The following CRPPA variants were observed in gnomAD, a reference collection of about 807,000 sequenced individuals.
The protein encoded by CRPPA is CDP-L-ribitol pyrophosphorylase A, also known as D-ribitol-5-phosphate cytidylyltransferase.
CRPPA carries 43 observed loss-of-function variants against 52.0 expected under a neutral mutation model. The ratio of observed to expected loss-of-function variants is 0.83; its 90% confidence interval spans 0.65 to 1.07. The LOEUF (loss-of-function observed/expected upper bound fraction) is 1.07. Among genes scored for constraint, CRPPA ranks in the 50% least tolerant of loss-of-function variants. The pLI is 0.00. For synonymous variants in CRPPA, 250 were observed against 203.5 expected, an observed-to-expected ratio of 1.23 and a Z score of -1.94; for missense variants, 629 against 551.7, an observed-to-expected ratio of 1.14 and a Z score of -1.40.
chr7:16,171,801 T>C (rs1781192959), intron 9 of CRPPA, among the ~76,000 whole-genome samples: 1 of 151,730 alleles, frequency 6.6e-6, no homozygotes, highest in African/African-American at 2.4e-5. Context: ...CAAAAATAAG[T>C]AAATAAATAA....
intron 9 of CRPPA, among the ~76,000 whole-genome samples, chr7:16,180,846 TTTTATTGAAAAATATCAAAGC>T (rs1293223217): frequency 6.6e-6 from 1 of 152,052 alleles, no homozygotes; most frequent in Non-Finnish European, 1.5e-5. Context: ...AAAACTAATA[TTTTATTGAAAAATATCAAAGC>T]TGTATGTGAC....
chr7:16,165,913 G>T (rs546084080), intron 9 of CRPPA, among the ~76,000 whole-genome samples: 6 of 152,278 alleles, frequency 3.9e-5, no homozygotes, highest in African/African-American at 1.4e-4. Flanking sequence ...AAAGACTGTG[G>T]AGCTCTAGCT....
In CRPPA at chr7:16,398,692, G is replaced by A. The variant is rs535688046; in HGVS notation, c.534+7369C>T. The stretch of plus-strand genomic sequence containing the variant: ...GTGACACGTGACATGTGACTGACAC[G>A]ATTGGCATCTAATCAACACGTGGGT... On this transcript the variant is annotated intron_variant, in intron 2 of 9. Transcript: ENST00000407010. 3.9e-5 allele frequency among the ~76,000 whole-genome samples: 6 copies of A among 152,010 alleles called. No homozygotes were observed. In the East Asian group the frequency reaches 5.8e-4, roughly 15 times the overall value.
At chr7:16,382,530 C>T (rs201823369) in intron 2 of CRPPA, among the ~76,000 whole-genome samples, 24,086 of 151,212 alleles carry the variant, frequency 0.16, 2,837 homozygotes, top group African/African-American at 0.33. Flanking sequence ...TGAATCTGAA[C>T]GTTGGCCTGC....
chr7:16,368,113 CAGGAA>C (rs149351010), intron 3 of CRPPA, among the ~76,000 whole-genome samples: 14,822 of 152,114 alleles, frequency 0.097, 857 homozygotes, highest in East Asian at 0.23. Context: ...CCAATTTTCA[CAGGAA>C]ATGAATTTTA....
At chr7:16,117,359 G>A (rs915737140) in intron 9 of CRPPA, among the ~76,000 whole-genome samples, 2 of 152,190 alleles carry the variant, frequency 1.3e-5, no homozygotes, top group Non-Finnish European at 2.9e-5. Flanking sequence ...ATATCTACAT[G>A]TGGAACTCTG....
intron 3 of CRPPA, among the ~76,000 whole-genome samples, chr7:16,369,019 T>C (rs960007565): frequency 2.0e-5 from 3 of 152,182 alleles, no homozygotes; most frequent in African/African-American, 7.2e-5. Context: ...TTTAAGAACC[T>C]AATCCATGCC....
At chr7:16,390,571 C>A (rs1358292883) in intron 2 of CRPPA, among the ~76,000 whole-genome samples, 1 of 152,178 alleles carries the variant, frequency 6.6e-6, no homozygotes, top group African/African-American at 2.4e-5. Flanking sequence ...AAACTAACTC[C>A]TAGGTCCTTA....
At chr7:16,288,376 T>A (rs1482035018) in intron 5 of CRPPA, among the ~76,000 whole-genome samples, 3 of 151,976 alleles carry the variant, frequency 2.0e-5, no homozygotes, top group African/African-American at 7.2e-5. Flanking sequence ...TTTAAATCTA[T>A]ATATTCTAAA....
chr7:16,192,944 T>C (rs1583419671), intron 9 of CRPPA, among the ~76,000 whole-genome samples: 1 of 152,278 alleles, frequency 6.6e-6, no homozygotes, highest in East Asian at 1.9e-4. Flanking sequence ...TTCTACACAG[T>C]CTTGAATCTG....
At chr7:16,127,675 G>A (rs1782605374) in intron 9 of CRPPA, among the ~76,000 whole-genome samples, 1 of 152,018 alleles carries the variant, frequency 6.6e-6, no homozygotes, top group South Asian at 2.1e-4. Context: ...TCATAATGAA[G>A]TATGGAAAGG....
intron 6 of CRPPA, among the ~76,000 whole-genome samples, chr7:16,265,593 A>G (rs1783932527): frequency 6.6e-6 from 1 of 152,196 alleles, no homozygotes; most frequent in African/African-American, 2.4e-5. Flanking sequence ...GTAAAGACCC[A>G]GTAGCATTCA....
chr7:16,275,178 A>G (rs1210043133), intron 6 of CRPPA, among the ~76,000 whole-genome samples: 1 of 152,206 alleles, frequency 6.6e-6, no homozygotes, highest in Non-Finnish European at 1.5e-5. Flanking sequence ...CAAGAAAGAC[A>G]GAAAACAACA....
At chr7:16,318,895 A>T (rs762314870) in intron 3 of CRPPA, among the ~76,000 whole-genome samples, 23 of 152,198 alleles carry the variant, frequency 1.5e-4, no homozygotes, top group Admixed American at 5.2e-4. Context: ...TGAAGAATTG[A>T]GACTAATAAT....
At chr7:16,162,003 G>C (rs1780909862) in intron 9 of CRPPA, among the ~76,000 whole-genome samples, 1 of 152,116 alleles carries the variant, frequency 6.6e-6, no homozygotes, top group Non-Finnish European at 1.5e-5. Flanking sequence ...TCTGATGGTA[G>C]TTTGTATTTC....
Position 16,341,630 on chromosome 7 carries a change from T to C in CRPPA, c.685-33003A>G, listed in dbSNP as rs555076963. Among the ~76,000 whole-genome samples, 239 of 152,272 alleles carry C rather than the reference T, an allele frequency of 1.6e-3. 1 individual carries two copies. The highest frequency in any genetic ancestry group is 5.5e-3 in the African/African-American group (229 of 41,550). On this transcript the variant is annotated intron_variant, in intron 3 of 9. Coordinates refer to ENST00000407010, the MANE Select transcript of CRPPA (RefSeq NM_001101426.4). ...TGTTTATACATATTAGGTGGGGAAA[T>C]GCTAGGTTAAACAAATTTCAAGTTT...
chr7:16,154,153 C>T (rs769164114), intron 9 of CRPPA, among the ~76,000 whole-genome samples: 23 of 151,304 alleles, frequency 1.5e-4, no homozygotes, highest in Non-Finnish European at 2.4e-4. Flanking sequence ...ATGTGGTAAA[C>T]AAAAATGCAG....
At chr7:16,225,336 C>G (rs1782619431) in intron 8 of CRPPA, among the ~76,000 whole-genome samples, 1 of 151,906 alleles carries the variant, frequency 6.6e-6, no homozygotes, top group African/African-American at 2.4e-5. Flanking sequence ...GTCTCTCTTA[C>G]AAGAACATAC....
intron 8 of CRPPA, among the ~76,000 whole-genome samples, chr7:16,225,697 C>G (rs1176028368): frequency 6.6e-6 from 1 of 151,746 alleles, no homozygotes; most frequent in African/African-American, 2.4e-5. Context: ...TATTAAGGTT[C>G]TCTGCAGGCC....
Sources: gnomAD v4.1 joint callset for allele counts (sites outside exome capture counted in the v4.1 genomes callset) on GRCh38, gnomAD v4.1.1 for gene constraint, MANE v1.5 for transcripts, NCBI Gene and HGNC (gene_info 2026-07-23, HGNC 2026-07-21) for gene names.